TXLNG: variants seen among roughly 807,000 people sequenced by gnomAD.
TXLNG encodes the protein taxilin gamma, also known as gamma-taxilin.
In TXLNG, 5 loss-of-function variants were observed where a neutral mutation model predicts 38.8. That is an observed-to-expected ratio of 0.13 (90% CI 0.07 to 0.27). The LOEUF (loss-of-function observed/expected upper bound fraction) is 0.27. Among genes scored for constraint, TXLNG ranks in the 10% least tolerant of loss-of-function variants. The probability of loss-of-function intolerance (pLI) is 1.00; values close to 1 mark genes in which losing one functional copy is unlikely to be tolerated. For synonymous variants in TXLNG, 182 were observed against 158.2 expected (o/e 1.15, Z -1.13); for missense variants, 393 against 398.2 (o/e 0.99, Z 0.11).
intron 3 of TXLNG, among the ~76,000 whole-genome samples, chrX:16,823,989 A>G (rs1314949526): frequency 1.8e-5 from 2 of 111,341 alleles, no homozygotes; most frequent in Non-Finnish European, 3.8e-5. Context: ...GGGGGGCACT[A>G]TTTGGGATTT....
chrX:16,805,380 T>A (rs1928301368), intron 1 of TXLNG, among the ~76,000 whole-genome samples: 1 of 111,328 alleles, frequency 9.0e-6, no homozygotes, highest in Non-Finnish European at 1.9e-5. Flanking sequence ...GCTCTGTCTA[T>A]GGAGCAGTCA....
intron 8 of TXLNG, among the ~76,000 whole-genome samples, chrX:16,838,621 T>G (rs1929687118): frequency 8.9e-6 from 1 of 112,275 alleles, no homozygotes. Flanking sequence ...GTGCTCAAAT[T>G]ACCACCTCCA....
intron 3 of TXLNG, among the ~76,000 whole-genome samples, chrX:16,820,774 T>C (rs1476333826): frequency 2.7e-5 from 3 of 112,564 alleles, no homozygotes; most frequent in Non-Finnish European, 5.6e-5. Context: ...TATATTATTT[T>C]ATTTTATTTT....
intron 3 of TXLNG, among the ~76,000 whole-genome samples, chrX:16,822,272 C>T (rs1282512912): frequency 7.3e-5 from 8 of 108,929 alleles, no homozygotes; most frequent in Non-Finnish European, 3.8e-5. Context: ...ACCCGGGAGG[C>T]GGAGCTTGCA....
At chrX:16,837,842 A>G (rs150964184) in intron 8 of TXLNG, among the ~76,000 whole-genome samples, 157 bp downstream of exon 8, 299 of 111,799 alleles carry the variant, frequency 2.7e-3, no homozygotes, top group African/African-American at 9.3e-3. Context: ...TTTGCCCTCA[A>G]TGTACCCCAA....
chrX:16,789,843 A>G (rs952361813), intron 1 of TXLNG, among the ~76,000 whole-genome samples: 4 of 108,455 alleles, frequency 3.7e-5, no homozygotes, highest in Non-Finnish European at 7.6e-5. Context: ...TGCCCAGGCT[A>G]GAGTGCAATG....
In TXLNG at chrX:16,829,601, A is replaced by G. The variant is rs761183078; in HGVS notation, c.695A>G (p.Glu232Gly). 20 of 1,211,497 alleles carry G rather than the reference A, an allele frequency of 1.7e-5. No homozygotes were observed. Among genetic ancestry groups the G allele is most frequent in the Non-Finnish European group, 2.0e-5 (18 of 895,364 alleles). The change falls in exon 5 of 10, where the codon GAG becomes GGG. Residue 232 changes from glutamate to glycine, a missense_variant. Transcript: ENST00000380122. ...GAGGAAAATATGCAGCAGGCACGAG[A>G]GGAAGAAGAACGACGTAAAGAAGCA... is the stretch of plus-strand genomic sequence containing the variant. Reference protein sequence around the residue: ...LKEENMQQAREEEERRKEATA... With the variant: ...LKEENMQQARGEEERRKEATA...
At chrX:16,816,131 A>G (rs1038224091) in intron 1 of TXLNG, among the ~76,000 whole-genome samples, 4 of 106,568 alleles carry the variant, frequency 3.8e-5, no homozygotes, top group African/African-American at 1.4e-4. Flanking sequence ...CAGTGGCGCG[A>G]TATCGGCTCA....
intron 1 of TXLNG, among the ~76,000 whole-genome samples, chrX:16,788,357 CAT>C (rs1927573148): frequency 8.9e-6 from 1 of 112,052 alleles, no homozygotes; most frequent in African/African-American, 3.2e-5. Context: ...TAGGAATAGT[CAT>C]GTGTGTGTCT....
At position 16,844,398 on chromosome X, in the gene TXLNG, T is replaced by C. The variant is rs181875876; in HGVS notation, c.*2632T>C. 2.7e-5 allele frequency: 3 copies of C among 112,510 alleles called. No homozygotes were observed. Among genetic ancestry groups the C allele is most frequent in the East Asian group, 2.8e-4 (1 of 3,590 alleles). 9.3% of individuals were successfully genotyped at this position (112,510 alleles called of 1,213,427 possible). A position where few individuals can be genotyped will look rare whatever the true frequency, so the allele number is the denominator to read the frequency against. Reference sequence around the variant, plus strand: ...CCCACGTCTTTCATGAGGATACGAATTGTTAAGAGGCAGTCTCGTTTTGCT... The same window carrying C: ...CCCACGTCTTTCATGAGGATACGAACTGTTAAGAGGCAGTCTCGTTTTGCT... On this transcript the variant is annotated 3_prime_UTR_variant, in exon 10 of 10. Coordinates refer to ENST00000380122, the MANE Select transcript of TXLNG (RefSeq NM_018360.3).
chrX:16,823,738 T>G (rs1929069406), intron 3 of TXLNG, among the ~76,000 whole-genome samples: 1 of 111,683 alleles, frequency 9.0e-6, no homozygotes, highest in African/African-American at 3.3e-5. Context: ...TCACATGGAT[T>G]CATGAAATTG....
At chrX:16,808,897 T>C (rs754005292) in intron 1 of TXLNG, among the ~76,000 whole-genome samples, 4 of 112,025 alleles carry the variant, frequency 3.6e-5, no homozygotes, top group African/African-American at 1.3e-4. Context: ...GAAAAACTGG[T>C]AAGAAATGAA....
At chrX:16,790,172 A>G (rs1425382461) in intron 1 of TXLNG, among the ~76,000 whole-genome samples, 1 of 111,364 alleles carries the variant, frequency 9.0e-6, no homozygotes, top group Non-Finnish European at 1.9e-5. Flanking sequence ...TTGCTATATT[A>G]TTATTGACTA....
At chrX:16,809,958 G>A (rs1173746042) in intron 1 of TXLNG, among the ~76,000 whole-genome samples, 1 of 111,905 alleles carries the variant, frequency 8.9e-6, no homozygotes, top group Non-Finnish European at 1.9e-5. Flanking sequence ...TAGACAGAAG[G>A]TAGTTATGAA....
intron 3 of TXLNG, among the ~76,000 whole-genome samples, chrX:16,827,009 A>G (rs1280938533): frequency 1.6e-4 from 18 of 109,158 alleles, no homozygotes; most frequent in Non-Finnish European, 3.4e-4. Context: ...CAGGTGGATC[A>G]ATTGAGGTCA....
At chrX:16,828,936 G>A (rs1020324300) in intron 4 of TXLNG, among the ~76,000 whole-genome samples, 27 of 111,154 alleles carry the variant, frequency 2.4e-4, no homozygotes, top group Non-Finnish European at 4.3e-4. Flanking sequence ...TAGACTATAA[G>A]TGCACTCTTG....
At chrX:16,837,091 G>GTT (rs1219037991) in intron 7 of TXLNG, among the ~76,000 whole-genome samples, 1 of 111,908 alleles carries the variant, frequency 8.9e-6, no homozygotes. Flanking sequence ...GTAGGACTAT[G>GTT]TTAAGAGTAG....
At chrX:16,808,389 A>AT (rs60578039) in intron 1 of TXLNG, among the ~76,000 whole-genome samples, 3,544 of 111,744 alleles carry the variant, frequency 0.032, 164 homozygotes, top group African/African-American at 0.11. Context: ...TTAAATAAAT[A>AT]TTTCCTCCCC....
intron 1 of TXLNG, among the ~76,000 whole-genome samples, chrX:16,807,252 CATG>C (rs1467493581): frequency 8.9e-6 from 1 of 112,131 alleles, no homozygotes; most frequent in Non-Finnish European, 1.9e-5. Context: ...ACGTATCTTT[CATG>C]ATGTTTTCTG....
Sources: allele counts gnomAD v4.1 joint callset (sites outside exome capture counted in the v4.1 genomes callset), GRCh38; gene constraint gnomAD v4.1.1; transcripts MANE v1.5; gene names NCBI Gene and HGNC (gene_info 2026-07-23, HGNC 2026-07-21).